CDIN1: variants seen among roughly 807,000 people sequenced by gnomAD.
The protein encoded by CDIN1 is CDAN1-interacting nuclease 1.
In CDIN1, 33 loss-of-function variants were observed where a neutral mutation model predicts 45.3. The ratio of observed to expected loss-of-function variants is 0.73; its 90% CI spans 0.55 to 0.97. The LOEUF is 0.97. Ranked by LOEUF, CDIN1 falls within the 50% of genes least tolerant of loss-of-function variation. CDIN1 has a pLI of 0.00. For synonymous variants in CDIN1, 118 were observed against 124.4 expected, an observed-to-expected ratio of 0.95 and a Z score of 0.34; for missense variants, 303 against 339.4, an observed-to-expected ratio of 0.89 and a Z score of 0.84.
intron 8 of CDIN1, chr15:36,706,816 T>A (rs942855229): frequency 1.3e-5 from 2 of 152,178 alleles, no homozygotes; most frequent in Admixed American, 1.3e-4. Context: ...CCTTTGTGCC[T>A]TGTTGATAAT....
At chr15:36,802,011 G>A (rs2141133634) in intron 10 of CDIN1, among the ~76,000 whole-genome samples, 1 of 152,234 alleles carries the variant, frequency 6.6e-6, no homozygotes, top group Admixed American at 6.5e-5. Context: ...ACCCCTGCTT[G>A]CCTATCACCT....
At chr15:36,627,868 C>G (rs1287256281) in intron 1 of CDIN1, 1 of 152,120 alleles carries the variant, frequency 6.6e-6, no homozygotes, top group Non-Finnish European at 1.5e-5. Flanking sequence ...TGCATCACAT[C>G]AGGGAGGTGG....
intron 1 of CDIN1, chr15:36,619,065 T>G: frequency 8.1e-7 from 1 of 1,240,222 alleles, no homozygotes; most frequent in East Asian, 2.3e-5. Flanking sequence ...ATGAAGCTCC[T>G]TAGAAGTCCC....
intron 1 of CDIN1, among the ~76,000 whole-genome samples, chr15:36,612,208 T>A (rs1304270455): frequency 1.3e-5 from 2 of 152,158 alleles, no homozygotes; most frequent in Non-Finnish European, 2.9e-5. Context: ...CTTAGTTTTA[T>A]GTGGAGCCTT....
chr15:36,604,996 A>G (rs1036617531), intron 1 of CDIN1, among the ~76,000 whole-genome samples: 2 of 152,220 alleles, frequency 1.3e-5, no homozygotes, highest in African/African-American at 4.8e-5. Flanking sequence ...TAAAAAAGAA[A>G]GGAAAGACGG....
chr15:36,664,391 GTTTA>G lies in CDIN1; in HGVS notation c.346+6491_346+6494del, dbSNP rs1436416233. Among the ~76,000 whole-genome samples, 8 of 152,242 alleles carry G rather than the reference GTTTA, an allele frequency of 5.3e-5. No homozygotes were observed. The South Asian group carries it at 1.5e-3, about 28-fold the overall frequency. On this transcript the variant is annotated intron_variant, in intron 5 of 10. Transcript: ENST00000566621. ...TCATTTGATTCTTAATTATTCAAGT[GTTTA>G]TTTAATCCACAAAATTATTAATGAT...
At chr15:36,786,069 A>G (rs888875253) in intron 10 of CDIN1, among the ~76,000 whole-genome samples, 4 of 152,270 alleles carry the variant, frequency 2.6e-5, no homozygotes, top group Non-Finnish European at 4.4e-5. Context: ...CCAGAGTTCA[A>G]TACTGACAGT....
chr15:36,734,223 C>A (rs114299811), intron 10 of CDIN1: 1 of 234,926 alleles, frequency 4.3e-6, no homozygotes, highest in African/African-American at 2.3e-5. Flanking sequence ...TAAAAGGAGT[C>A]CTTTTACCCA....
At position 36,672,621 on chromosome 15, in the gene CDIN1, G is replaced by C. The variant is rs540269675; in HGVS notation, c.346+14716G>C. ...CTAATTTGATCGATTTGGTTGGGGT[G>C]GGGGGAGGTCTCAAATTCAATTAAG... On this transcript the variant is annotated intron_variant, in intron 5 of 10. Transcript: ENST00000566621. Among the ~76,000 whole-genome samples the C allele has an allele frequency of 5.3e-5, 8 of 151,678 alleles. No homozygotes were observed. In the South Asian group the frequency reaches 6.3e-4, roughly 12 times the overall value.
intron 10 of CDIN1, among the ~76,000 whole-genome samples, chr15:36,780,086 TGAA>T (rs1200091202): frequency 6.6e-6 from 1 of 152,102 alleles, no homozygotes; most frequent in Non-Finnish European, 1.5e-5. Flanking sequence ...TCCTGTGCAC[TGAA>T]GCACCCGTTG....
intron 7 of CDIN1, among the ~76,000 whole-genome samples, chr15:36,695,135 T>G (rs1009465126): frequency 1.3e-5 from 2 of 152,240 alleles, no homozygotes; most frequent in Non-Finnish European, 2.9e-5. Context: ...AATGGCCACA[T>G]CTCTTGAATT....
chr15:36,731,802 G>A (rs2043841922), intron 10 of CDIN1, among the ~76,000 whole-genome samples: 1 of 152,114 alleles, frequency 6.6e-6, no homozygotes, highest in African/African-American at 2.4e-5. Flanking sequence ...CCAAAGTTAA[G>A]AGACATGCCA....
intron 5 of CDIN1, among the ~76,000 whole-genome samples, chr15:36,671,757 T>A (rs1255792378): frequency 6.6e-6 from 1 of 152,120 alleles, no homozygotes; most frequent in Non-Finnish European, 1.5e-5. Context: ...AATGTTGATG[T>A]TTTTTAGGTA....
At position 36,620,470 on chromosome 15, in the gene CDIN1, G is replaced by T. The variant is rs145359227; in HGVS notation, c.102-23808G>T. Among the ~76,000 whole-genome samples, 124 of 152,236 alleles carry T rather than the reference G, an allele frequency of 8.1e-4. 1 individual carries two copies. The highest frequency in any genetic ancestry group is 2.8e-3 in the African/African-American group (117 of 41,536). On this transcript the variant is annotated intron_variant, in intron 1 of 10. Transcript: ENST00000566621. ...CCTGTGATTCCCCCTGCTAAAATGG[G>T]AAACAATTTTTTTTTCTTACTCCAT... is the stretch of plus-strand genomic sequence containing the variant.
At chr15:36,632,660 C>T (rs1178489370) in intron 1 of CDIN1, among the ~76,000 whole-genome samples, 1 of 152,190 alleles carries the variant, frequency 6.6e-6, no homozygotes, top group African/African-American at 2.4e-5. Context: ...TACACCTTTT[C>T]TTCTGCTAAT....
At chr15:36,735,886 T>G (rs1355580114) in intron 10 of CDIN1, among the ~76,000 whole-genome samples, 1 of 152,186 alleles carries the variant, frequency 6.6e-6, no homozygotes, top group African/African-American at 2.4e-5. Context: ...TGCAGTTCAA[T>G]CCTTTAAAAG....
At chr15:36,673,656 T>C (rs998089458) in intron 5 of CDIN1, among the ~76,000 whole-genome samples, 1 of 152,070 alleles carries the variant, frequency 6.6e-6, no homozygotes, top group African/African-American at 2.4e-5. Context: ...GTATAAATTG[T>C]CAAAACTACT....
intron 10 of CDIN1, among the ~76,000 whole-genome samples, chr15:36,793,541 T>C (rs1409529460): frequency 1.3e-5 from 2 of 152,164 alleles, no homozygotes; most frequent in Admixed American, 6.6e-5. Context: ...GGAAGTATTT[T>C]AAGAACTGTG....
At position 36,697,176 on chromosome 15, in the gene CDIN1, T is replaced by C. The variant is rs1333502904; in HGVS notation, c.477-147T>C. 3 of 694,024 alleles carry C rather than the reference T, an allele frequency of 4.3e-6. No individual in the cohort carries two copies. In the African/African-American group the frequency reaches 5.6e-5, roughly 13 times the overall value. The allele number at this position is 694,024 out of a possible 1,614,324, so 43.0% of individuals were successfully genotyped here. The stretch of plus-strand genomic sequence containing the variant: ...ATTATAGAAAAATTCTATCCAATTA[T>C]TTAAATGAGGGGATGTGTGTAGAGA... On this transcript the variant is annotated intron_variant, in intron 7 of 10. Transcript: ENST00000566621.
Sources: allele counts gnomAD v4.1 joint callset (sites outside exome capture counted in the v4.1 genomes callset), GRCh38; gene constraint gnomAD v4.1.1; transcripts MANE v1.5; gene names NCBI Gene and HGNC (gene_info 2026-07-23, HGNC 2026-07-21).